The following NUAK1 variants were observed in gnomAD, a reference collection of about 807,000 sequenced individuals.
NUAK1 encodes the protein NUAK family SNF1-like kinase 1.
NUAK1 carries 26 observed loss-of-function variants against 56.9 expected under a neutral mutation model. That is an observed-to-expected ratio of 0.46 (90% confidence interval 0.33 to 0.63). NUAK1 has a LOEUF of 0.63. Among genes scored for constraint, NUAK1 ranks in the 30% least tolerant of loss-of-function variants. NUAK1 has a pLI of 0.02. For missense variants in NUAK1, 727 were observed against 876.1 expected (o/e 0.83, Z 2.15); for synonymous variants, 337 against 336.0 (o/e 1.00, Z -0.03).
intron 4 of NUAK1, among the ~76,000 whole-genome samples, chr12:106,075,553 C>A (rs957422390): frequency 1.3e-5 from 2 of 152,106 alleles, no homozygotes; most frequent in African/African-American, 4.8e-5. Context: ...AAAGTCCTTA[C>A]AACAGTAATT....
At position 106,072,850 on chromosome 12, in the gene NUAK1, A is replaced by G. The variant is rs2032420087; in HGVS notation, c.580-7T>C. ...AAAGCCCAAAGTCAGCAATCTACAA[A>G]GAGAAGCAAGACCCAGGGAGACTTG... On this transcript the variant is annotated splice_polypyrimidine_tract_variant and splice_region_variant and intron_variant, in intron 4 of 6. Coordinates refer to ENST00000261402, the MANE Select transcript of NUAK1 (RefSeq NM_014840.3). 6.2e-7 allele frequency: 1 copy of G among 1,613,880 alleles called. No homozygotes were observed. The highest frequency in any genetic ancestry group is 8.5e-7 in the Non-Finnish European group (1 of 1,179,810).
chr12:106,133,914 T>C (rs1012859515), intron 1 of NUAK1, among the ~76,000 whole-genome samples: 2 of 152,228 alleles, frequency 1.3e-5, no homozygotes, highest in African/African-American at 4.8e-5. Flanking sequence ...GCATTTAACA[T>C]GGTGAGTAGC....
At chr12:106,118,627 C>A (rs143368937) in intron 1 of NUAK1, among the ~76,000 whole-genome samples, 6 of 152,362 alleles carry the variant, frequency 3.9e-5, no homozygotes, top group African/African-American at 1.4e-4. Flanking sequence ...TCCCTTACAA[C>A]AAAACTGTCA....
At chr12:106,130,656 G>A (rs2033068966) in intron 1 of NUAK1, among the ~76,000 whole-genome samples, 1 of 152,254 alleles carries the variant, frequency 6.6e-6, no homozygotes, top group African/African-American at 2.4e-5. Flanking sequence ...CGATGGGCAG[G>A]TGAATGGGCC....
chr12:106,108,097 G>A (rs1018919717), intron 1 of NUAK1, among the ~76,000 whole-genome samples: 14 of 152,242 alleles, frequency 9.2e-5, no homozygotes, highest in African/African-American at 3.4e-4. Context: ...GAGGAAAGGA[G>A]GGAAGCTAGA....
At chr12:106,122,360 G>A (rs2032986372) in intron 1 of NUAK1, among the ~76,000 whole-genome samples, 1 of 152,172 alleles carries the variant, frequency 6.6e-6, no homozygotes, top group African/African-American at 2.4e-5. Context: ...TACAAGGAGT[G>A]TAAACATGGG....
chr12:106,117,189 T>G (rs2032926668), intron 1 of NUAK1, among the ~76,000 whole-genome samples: 1 of 152,182 alleles, frequency 6.6e-6, no homozygotes, highest in African/African-American at 2.4e-5. Context: ...CCCTCTCCCA[T>G]GCCAACAGGC....
chr12:106,074,673 A>T (rs2032442434), intron 4 of NUAK1, among the ~76,000 whole-genome samples: 3 of 152,166 alleles, frequency 2.0e-5, no homozygotes, highest in Non-Finnish European at 4.4e-5. Context: ...AGGCTTGGAA[A>T]TGAGCTGCAT....
intron 1 of NUAK1, among the ~76,000 whole-genome samples, chr12:106,108,174 GA>G (rs150240357): frequency 1.3e-5 from 2 of 149,732 alleles, no homozygotes; most frequent in Non-Finnish European, 3.0e-5. Context: ...CAGAACTGGG[GA>G]AAAAAAAAGG....
At chr12:106,080,320 G>A (rs1324655894) in intron 4 of NUAK1, among the ~76,000 whole-genome samples, 5 of 152,176 alleles carry the variant, frequency 3.3e-5, no homozygotes, top group Non-Finnish European at 7.4e-5. Context: ...GGAGGAGGTC[G>A]GCTGACCCTG....
At position 106,064,551 on chromosome 12, in the gene NUAK1, C is replaced by T. The variant is rs944923236; in HGVS notation, c.*2251G>A. The T allele has an allele frequency of 1.4e-4, 21 of 152,316 alleles. No individual in the cohort carries two copies. The highest frequency in any genetic ancestry group is 4.6e-4 in the African/African-American group (19 of 41,572). 9.4% of individuals were successfully genotyped at this position (152,316 alleles called of 1,614,324 possible). On this transcript the variant is annotated 3_prime_UTR_variant, in exon 7 of 7. Transcript: ENST00000261402. ...ACTTTCCTCAATAGTGTCATTTTTACTTAAAGACTAGAATGATGGAAACTA... is the reference window on the plus strand; with the variant it reads ...ACTTTCCTCAATAGTGTCATTTTTATTTAAAGACTAGAATGATGGAAACTA...
intron 1 of NUAK1, among the ~76,000 whole-genome samples, chr12:106,110,092 T>C (rs1427903711): frequency 6.6e-6 from 1 of 152,080 alleles, no homozygotes; most frequent in Non-Finnish European, 1.5e-5. Context: ...TACACACCAT[T>C]ATCAGCAGGG....
intron 1 of NUAK1, among the ~76,000 whole-genome samples, chr12:106,112,616 C>CT (rs772008376): frequency 8.5e-5 from 13 of 152,228 alleles, no homozygotes; most frequent in Non-Finnish European, 1.8e-4. Flanking sequence ...CAGCAAGTTG[C>CT]TGTGATGCAA....
intron 2 of NUAK1, among the ~76,000 whole-genome samples, chr12:106,089,310 G>A (rs908348251): frequency 3.9e-5 from 6 of 152,222 alleles, no homozygotes; most frequent in East Asian, 1.9e-4. Context: ...AGCGACTGTC[G>A]GGAGGTGTGA....
chr12:106,101,400 C>T (rs1162300241), intron 2 of NUAK1, among the ~76,000 whole-genome samples: 2 of 152,154 alleles, frequency 1.3e-5, no homozygotes, highest in African/African-American at 2.4e-5. Context: ...TACTTCAGAA[C>T]GTGACCCTAT....
chr12:106,107,184 C>T lies in NUAK1; in HGVS notation c.241-659G>A, dbSNP rs796219627. 2.6e-5 allele frequency among the ~76,000 whole-genome samples: 4 copies of T among 152,150 alleles called. No individual in the cohort carries two copies. In the South Asian group the frequency reaches 8.3e-4, roughly 32 times the overall value. On this transcript the variant is annotated intron_variant, in intron 1 of 6. Coordinates refer to ENST00000261402, the MANE Select transcript of NUAK1 (RefSeq NM_014840.3). ...GGTAGTGACAGCTCATCTCCCTGCCCGGCCCCTGTCAATTCCCAAAGCTCA... is the reference window on the plus strand; with the variant it reads ...GGTAGTGACAGCTCATCTCCCTGCCTGGCCCCTGTCAATTCCCAAAGCTCA...
chr12:106,103,939 T>C lies in NUAK1; in HGVS notation c.361+2466A>G, dbSNP rs200716464. Among the ~76,000 whole-genome samples the C allele has an allele frequency of 8.3e-4, 126 of 152,342 alleles. 1 individual carries two copies. In the East Asian group the frequency reaches 0.017, roughly 20 times the overall value. ...TAAGTTTCCTGAGGCCTCCCCAGCC[T>C]TGCAGAACTGTGAGTCAATTAAATC... On this transcript the variant is annotated intron_variant, in intron 2 of 6. Coordinates refer to ENST00000261402, the MANE Select transcript of NUAK1 (RefSeq NM_014840.3).
intron 2 of NUAK1, among the ~76,000 whole-genome samples, chr12:106,088,162 C>T (rs1334329395): frequency 6.6e-6 from 1 of 152,210 alleles, no homozygotes; most frequent in Non-Finnish European, 1.5e-5. Flanking sequence ...ACTCCATTGC[C>T]ACCTGTTTCA....
At chr12:106,084,685 G>A (rs906796325) in intron 3 of NUAK1, among the ~76,000 whole-genome samples, 1 of 149,096 alleles carries the variant, frequency 6.7e-6, no homozygotes, top group African/African-American at 2.4e-5. Flanking sequence ...GCAGTCATCA[G>A]CCAATAGGCT....
Sources: gnomAD v4.1 joint callset for allele counts (sites outside exome capture counted in the v4.1 genomes callset) on GRCh38, gnomAD v4.1.1 for gene constraint, MANE v1.5 for transcripts, NCBI Gene and HGNC (gene_info 2026-07-23, HGNC 2026-07-21) for gene names.